JAM3: variants seen among roughly 807,000 people sequenced by gnomAD.
JAM3 encodes the protein junctional adhesion molecule C.
In JAM3, 31 loss-of-function variants were observed where a neutral mutation model predicts 39.4. The ratio of observed to expected loss-of-function variants is 0.79; its 90% CI spans 0.59 to 1.06. JAM3 has a LOEUF of 1.06. JAM3 is among the 50% of genes least tolerant of loss of function. JAM3 has a pLI of 0.00. For synonymous variants in JAM3, 182 were observed against 148.7 expected, an observed-to-expected ratio of 1.22 and a Z score of -1.63; for missense variants, 455 against 391.4, an observed-to-expected ratio of 1.16 and a Z score of -1.37.
chr11:134,148,002 G>C (rs1282964383), intron 6 of JAM3: 1 of 178,088 alleles, frequency 5.6e-6, no homozygotes, highest in Non-Finnish European at 1.2e-5. Context: ...GGGTTCCAGG[G>C]GGTTTCCTCT....
chr11:134,146,422 C>T (rs1031584506), intron 6 of JAM3, among the ~76,000 whole-genome samples: 5 of 151,888 alleles, frequency 3.3e-5, no homozygotes, highest in South Asian at 2.1e-4. Flanking sequence ...AGTTTTAGCC[C>T]GAGTAATTTT....
chr11:134,137,128 G>A lies in JAM3; in HGVS notation c.77-2723G>A, dbSNP rs75201820. On this transcript the variant is annotated intron_variant, in intron 1 of 8. Coordinates refer to ENST00000299106, the MANE Select transcript of JAM3 (RefSeq NM_032801.5). The stretch of plus-strand genomic sequence containing the variant: ...ACTCTGTCTCAAAAAAAAAAAAAAA[G>A]AAGAAGAAGTATAAAGCATTCATTT... 2.1e-3 allele frequency among the ~76,000 whole-genome samples: 204 copies of A among 97,180 alleles called. 5 individuals are homozygous for A. Among genetic ancestry groups the A allele is most frequent in the Middle Eastern group, 0.015 (3 of 206 alleles). 63.8% of individuals were successfully genotyped at this position (97,180 alleles called of 152,430 possible).
intron 1 of JAM3, among the ~76,000 whole-genome samples, chr11:134,098,284 C>G (rs748648246): frequency 8.5e-5 from 13 of 152,094 alleles, no homozygotes; most frequent in Non-Finnish European, 1.2e-4. Context: ...AGTTCAACTT[C>G]AGAGAGGAAA....
intron 3 of JAM3, among the ~76,000 whole-genome samples, chr11:134,143,920 AGTG>A (rs1290281908): frequency 1.3e-5 from 2 of 152,152 alleles, no homozygotes; most frequent in Non-Finnish European, 1.5e-5. Context: ...TTGTTTTTCT[AGTG>A]GTGTTTTTTT....
intron 1 of JAM3, among the ~76,000 whole-genome samples, chr11:134,074,638 C>G (rs991661420): frequency 1.3e-5 from 2 of 152,146 alleles, no homozygotes. Context: ...CCGGCCTCCC[C>G]CCTTCTTTTT....
rs1565508694 is a variant in JAM3 at position 134,149,820 on chromosome 11, GTCC to G, written c.*640_*642del. ...GGATCTTGCCTGAGGAACCCTGCTT[GTCC>G]AACAGGGTGTCAGGATTTAAGGAAA... On this transcript the variant is annotated 3_prime_UTR_variant, in exon 9 of 9. Transcript: ENST00000299106. The G allele has an allele frequency of 2.8e-6, 1 of 361,148 alleles. No homozygotes were observed. The highest frequency in any genetic ancestry group is 5.5e-6 in the Non-Finnish European group (1 of 181,034). The allele number at this position is 361,148 out of a possible 1,614,324, so 22.4% of individuals were successfully genotyped here.
intron 1 of JAM3, among the ~76,000 whole-genome samples, chr11:134,090,515 G>A (rs994436858): frequency 6.6e-6 from 1 of 152,160 alleles, no homozygotes; most frequent in Admixed American, 6.5e-5. Flanking sequence ...AACAAGCTGA[G>A]TAAAAGTAGT....
chr11:134,102,578 G>A (rs1397362367), intron 1 of JAM3, among the ~76,000 whole-genome samples: 1 of 152,172 alleles, frequency 6.6e-6, no homozygotes, highest in Non-Finnish European at 1.5e-5. Flanking sequence ...GCTAAAGGAG[G>A]AAGTTCGAAC....
Position 134,100,647 on chromosome 11 carries a change from A to G in JAM3, c.76+31488A>G, listed in dbSNP as rs540352960. On this transcript the variant is annotated intron_variant, in intron 1 of 8. Coordinates refer to ENST00000299106, the MANE Select transcript of JAM3 (RefSeq NM_032801.5). ...CAGTTCTCTAATAGTGGCTGATACC[A>G]TGTGAATGCATTCTCTGCGTCAGGT... 3.3e-5 allele frequency among the ~76,000 whole-genome samples: 5 copies of G among 152,246 alleles called. No homozygotes were observed. The South Asian group carries it at 8.3e-4, about 25-fold the overall frequency.
intron 6 of JAM3, among the ~76,000 whole-genome samples, chr11:134,146,770 G>A (rs574419749): frequency 2.6e-4 from 39 of 152,222 alleles, no homozygotes; most frequent in Admixed American, 2.5e-3. Flanking sequence ...TCACTGTGTT[G>A]CCCAGGCTGG....
chr11:134,146,571 CAAAA>C (rs1011464487), intron 6 of JAM3, among the ~76,000 whole-genome samples: 7 of 150,046 alleles, frequency 4.7e-5, no homozygotes, highest in Admixed American at 6.6e-5. Context: ...TCTTAAAAAA[CAAAA>C]AACAAAAAAC....
In JAM3 at chr11:134,121,821, G is replaced by GCGCACACACA. The variant is rs369702081; in HGVS notation, c.77-18029_77-18028insGCACACACAC. Among the ~76,000 whole-genome samples the GCGCACACACA allele has an allele frequency of 2.1e-3, 316 of 148,506 alleles. 2 individuals are homozygous for GCGCACACACA. The highest frequency in any genetic ancestry group is 5.7e-3 in the Admixed American group (85 of 14,904). On this transcript the variant is annotated intron_variant, in intron 1 of 8. Transcript: ENST00000299106. ...TGATGGACACTGCGTGCATGTGTGC[G>GCGCACACACA]CACACACACACACACACACACACAC...
At chr11:134,131,103 C>A (rs1942760372) in intron 1 of JAM3, among the ~76,000 whole-genome samples, 1 of 152,042 alleles carries the variant, frequency 6.6e-6, no homozygotes, top group Admixed American at 6.6e-5. Flanking sequence ...ATCAGAAAAG[C>A]CCTGACAAGA....
At chr11:134,095,531 TCAGG>T (rs1941963370) in intron 1 of JAM3, among the ~76,000 whole-genome samples, 1 of 151,756 alleles carries the variant, frequency 6.6e-6, no homozygotes, top group Non-Finnish European at 1.5e-5. Flanking sequence ...TTCAGGAGGC[TCAGG>T]CAGGAGAATC....
intron 3 of JAM3, among the ~76,000 whole-genome samples, chr11:134,143,910 T>A (rs1341347953): frequency 6.6e-6 from 1 of 152,218 alleles, no homozygotes; most frequent in African/African-American, 2.4e-5. Context: ...GAAACATTGG[T>A]TGTTTTTCTA....
At chr11:134,106,938 T>A (rs913659592) in intron 1 of JAM3, among the ~76,000 whole-genome samples, 1 of 152,172 alleles carries the variant, frequency 6.6e-6, no homozygotes, top group African/African-American at 2.4e-5. Flanking sequence ...TCCTCAGGGA[T>A]CTAGAACTAG....
chr11:134,084,856 C>T (rs1941723524), intron 1 of JAM3, among the ~76,000 whole-genome samples: 1 of 152,188 alleles, frequency 6.6e-6, no homozygotes, highest in Non-Finnish European at 1.5e-5. Context: ...ACTCTTCTTC[C>T]CTCTGTCATA....
chr11:134,103,989 A>C (rs1942130344), intron 1 of JAM3, among the ~76,000 whole-genome samples: 2 of 152,222 alleles, frequency 1.3e-5, no homozygotes, highest in Non-Finnish European at 2.9e-5. Context: ...AATTGAACTC[A>C]GCTCTGCACC....
intron 1 of JAM3, among the ~76,000 whole-genome samples, chr11:134,092,022 A>T (rs1941868202): frequency 6.6e-6 from 1 of 152,130 alleles, no homozygotes; most frequent in Admixed American, 6.5e-5. Context: ...TCGTACTCTA[A>T]ATATAATTAA....
Sources: allele counts gnomAD v4.1 joint callset (sites outside exome capture counted in the v4.1 genomes callset), GRCh38; gene constraint gnomAD v4.1.1; transcripts MANE v1.5; gene names NCBI Gene and HGNC (gene_info 2026-07-23, HGNC 2026-07-21).